KCNT2: variants seen among roughly 807,000 people sequenced by gnomAD.
KCNT2 encodes the protein potassium channel subfamily T member 2.
In KCNT2, 67 loss-of-function variants were observed where a neutral mutation model predicts 153.8. The ratio of observed to expected loss-of-function variants is 0.44; its 90% confidence interval spans 0.36 to 0.53. The LOEUF is 0.53. KCNT2 is among the 20% of genes least tolerant of loss of function. The pLI, the probability that KCNT2 is intolerant of heterozygous loss-of-function variation, is 0.00. For synonymous variants in KCNT2, 500 were observed against 458.8 expected, an observed-to-expected ratio of 1.09 and a Z score of -1.15; for missense variants, 975 against 1,354.8, an observed-to-expected ratio of 0.72 and a Z score of 4.40.
chr1:196,319,447 C>G (rs1267799154), intron 20 of KCNT2, 37 bp downstream of exon 20: 1 of 1,456,290 alleles, frequency 6.9e-7, no homozygotes, highest in Non-Finnish European at 9.6e-7. Context: ...CCACAGGACA[C>G]TACACTAGTT....
At chr1:196,518,480 A>C (rs1011023258) in intron 1 of KCNT2, among the ~76,000 whole-genome samples, 1 of 1,424 alleles carries the variant, frequency 7.0e-4, no homozygotes, top group Non-Finnish European at 4.8e-3. Flanking sequence ...GCTGGATTTA[A>C]AAAAAAAAAA....
intron 1 of KCNT2, among the ~76,000 whole-genome samples, chr1:196,552,288 T>C (rs1202024916): frequency 1.3e-5 from 2 of 151,544 alleles, no homozygotes; most frequent in East Asian, 3.9e-4. Context: ...TATTTTTGTT[T>C]TTAAAAAGAG....
intron 20 of KCNT2, among the ~76,000 whole-genome samples, chr1:196,317,832 T>A (rs994413789): frequency 2.0e-5 from 3 of 151,766 alleles, no homozygotes. Context: ...AAATACTGGC[T>A]GTTATAGTTT....
chr1:196,357,709 T>A (rs1370454372), intron 14 of KCNT2, among the ~76,000 whole-genome samples: 1 of 151,882 alleles, frequency 6.6e-6, no homozygotes, highest in East Asian at 1.9e-4. Flanking sequence ...TTCTGGGGGC[T>A]TTTAGAGGCC....
At chr1:196,270,165 T>C (rs1295450193) in intron 25 of KCNT2, among the ~76,000 whole-genome samples, 1 of 151,992 alleles carries the variant, frequency 6.6e-6, no homozygotes, top group East Asian at 1.9e-4. Flanking sequence ...AAATTATTAT[T>C]GATGTAAATT....
intron 14 of KCNT2, among the ~76,000 whole-genome samples, chr1:196,362,689 T>G (rs1046876836): frequency 9.9e-5 from 15 of 152,138 alleles, no homozygotes; most frequent in African/African-American, 3.6e-4. Flanking sequence ...TAAGCTAAAA[T>G]GTTTTAAAAT....
intron 14 of KCNT2, among the ~76,000 whole-genome samples, chr1:196,351,204 T>C (rs1022112092): frequency 2.6e-5 from 4 of 152,146 alleles, no homozygotes; most frequent in African/African-American, 4.8e-5. Context: ...TTTGGTGCCA[T>C]ATGAACTTTA....
At chr1:196,534,584 C>T (rs1349178317) in intron 1 of KCNT2, among the ~76,000 whole-genome samples, 3 of 151,644 alleles carry the variant, frequency 2.0e-5, no homozygotes, top group African/African-American at 4.8e-5. Context: ...GTGGAACAAA[C>T]GTATTAAAAG....
intron 20 of KCNT2, 28 bp downstream of exon 20, chr1:196,319,456 T>A: frequency 6.5e-7 from 1 of 1,532,420 alleles, no homozygotes; most frequent in Middle Eastern, 1.7e-4. Context: ...ACTACACTAG[T>A]TAGTGTGCCA....
intron 22 of KCNT2, among the ~76,000 whole-genome samples, chr1:196,293,162 G>A (rs1446054353): frequency 6.6e-6 from 1 of 152,058 alleles, no homozygotes; most frequent in Non-Finnish European, 1.5e-5. Context: ...GTCATAAACT[G>A]GAAGAAACAA....
chr1:196,522,566 A>T (rs2148825443), intron 1 of KCNT2, among the ~76,000 whole-genome samples: 1 of 152,322 alleles, frequency 6.6e-6, no homozygotes, highest in East Asian at 1.9e-4. Context: ...AAAATAAGCT[A>T]CTCATACTAG....
chr1:196,243,635 G>T (rs1214557842), intron 26 of KCNT2, among the ~76,000 whole-genome samples: 1 of 152,052 alleles, frequency 6.6e-6, no homozygotes, highest in Non-Finnish European at 1.5e-5. Flanking sequence ...GCCCACAGAG[G>T]GAACACTTAG....
At chr1:196,603,735 A>T (rs1358215452) in intron 1 of KCNT2, among the ~76,000 whole-genome samples, 1 of 94,234 alleles carries the variant, frequency 1.1e-5, no homozygotes, top group Non-Finnish European at 2.5e-5. Flanking sequence ...ATTTTTGAAA[A>T]CTAGAATGGT....
chr1:196,443,987 G>T (rs563348925), intron 8 of KCNT2, among the ~76,000 whole-genome samples: 39 of 150,988 alleles, frequency 2.6e-4, no homozygotes, highest in Non-Finnish European at 4.4e-4. Flanking sequence ...ATTCCCAAAA[G>T]AAAAATATAA....
intron 1 of KCNT2, among the ~76,000 whole-genome samples, chr1:196,506,443 A>T (rs1219480799): frequency 6.6e-6 from 1 of 152,164 alleles, no homozygotes; most frequent in African/African-American, 2.4e-5. Flanking sequence ...CTTGGGAAAA[A>T]TAAGCATATA....
chr1:196,259,786 T>C (rs1187002157), intron 25 of KCNT2, among the ~76,000 whole-genome samples: 1 of 151,916 alleles, frequency 6.6e-6, no homozygotes, highest in African/African-American at 2.4e-5. Context: ...ATCCAAAAAA[T>C]CTTCATCTCT....
intron 1 of KCNT2, among the ~76,000 whole-genome samples, chr1:196,531,440 T>A (rs1654924166): frequency 6.6e-6 from 1 of 152,114 alleles, no homozygotes; most frequent in Non-Finnish European, 1.5e-5. Context: ...TTAACTGTTC[T>A]GCGACTCTAT....
chr1:196,324,247 G>A (rs1342363493), intron 19 of KCNT2, among the ~76,000 whole-genome samples: 1 of 151,892 alleles, frequency 6.6e-6, no homozygotes, highest in African/African-American at 2.4e-5. Context: ...AACTTTTAAT[G>A]CAAAAATAAA....
intron 20 of KCNT2, 37 bp from the exon 21 acceptor site, chr1:196,316,063 A>C: frequency 1.3e-6 from 2 of 1,583,866 alleles, no homozygotes; most frequent in Non-Finnish European, 1.7e-6. Flanking sequence ...CAAACATTAA[A>C]TAAATCACAA....
Sources: gnomAD v4.1 joint callset for allele counts (sites outside exome capture counted in the v4.1 genomes callset) on GRCh38, gnomAD v4.1.1 for gene constraint, MANE v1.5 for transcripts, NCBI Gene and HGNC (gene_info 2026-07-23, HGNC 2026-07-21) for gene names.